Variants in CUL5 observed in about 807,000 individuals in gnomAD.
CUL5 encodes the protein cullin 5.
CUL5 carries 26 observed loss-of-function variants against 108.8 expected under a neutral mutation model. The observed-to-expected ratio is 0.24, with a 90% confidence interval of 0.18 to 0.33. The LOEUF (loss-of-function observed/expected upper bound fraction) is 0.33. CUL5 is among the 10% of genes least tolerant of loss of function. CUL5 has a pLI of 1.00. For missense variants in CUL5, 524 were observed against 909.2 expected (o/e 0.58, Z 5.45); for synonymous variants, 334 against 298.0 (o/e 1.12, Z -1.25).
intron 13 of CUL5, among the ~76,000 whole-genome samples, chr11:108,092,503 A>AT (rs956704631): frequency 1.6e-4 from 24 of 152,246 alleles, no homozygotes; most frequent in African/African-American, 1.9e-4. Flanking sequence ...ACAATGGAAT[A>AT]TTTTTTGTGA....
At chr11:108,016,238 T>C (rs558698194) in intron 1 of CUL5, among the ~76,000 whole-genome samples, 1 of 129,116 alleles carries the variant, frequency 7.7e-6, no homozygotes, top group African/African-American at 4.1e-5. Context: ...TTCTTTTCTC[T>C]TCTCTTCTCT....
At chr11:108,049,594 C>T (rs186766184) in intron 3 of CUL5, among the ~76,000 whole-genome samples, 3 of 152,138 alleles carry the variant, frequency 2.0e-5, no homozygotes, top group African/African-American at 7.2e-5. Flanking sequence ...CCTCCCGCCT[C>T]AGCCTCCCAA....
At chr11:108,097,998 T>C (rs1420932019) in intron 17 of CUL5, among the ~76,000 whole-genome samples, 2 of 152,224 alleles carry the variant, frequency 1.3e-5, no homozygotes, top group Non-Finnish European at 2.9e-5. Flanking sequence ...CAGGTTGATA[T>C]CTTTTTGTGC....
chr11:108,091,732 C>CACACAT (rs1555024090), intron 13 of CUL5, among the ~76,000 whole-genome samples: 155 of 149,926 alleles, frequency 1.0e-3, no homozygotes, highest in African/African-American at 3.6e-3. Context: ...CACACACACA[C>CACACAT]GACAAATAAT....
At chr11:108,091,695 TCACACACACACA>T (rs71303233) in intron 13 of CUL5, among the ~76,000 whole-genome samples, 696 of 138,186 alleles carry the variant, frequency 5.0e-3, no homozygotes, top group Admixed American at 0.015. Flanking sequence ...TCTCTCTCAC[TCACACACACACA>T]CACACACACA....
At chr11:108,026,988 CAAA>C (rs34941469) in intron 1 of CUL5, among the ~76,000 whole-genome samples, 2,710 of 97,150 alleles carry the variant, frequency 0.028, 33 homozygotes, top group Middle Eastern at 0.04. Flanking sequence ...GACTCCGTCT[CAAA>C]AAAAAAAAAA....
intron 3 of CUL5, among the ~76,000 whole-genome samples, chr11:108,046,942 C>G (rs1199754852): frequency 6.6e-6 from 1 of 152,094 alleles, no homozygotes; most frequent in East Asian, 1.9e-4. Context: ...TGTTTCAAAT[C>G]AGCCACGGCC....
At chr11:108,014,317 C>G (rs554004823) in intron 1 of CUL5, among the ~76,000 whole-genome samples, 5 of 152,200 alleles carry the variant, frequency 3.3e-5, no homozygotes, top group Admixed American at 3.3e-4. Context: ...GTTAGATATT[C>G]TATATGAATA....
intron 11 of CUL5, among the ~76,000 whole-genome samples, chr11:108,082,786 C>T (rs1267042828): frequency 6.7e-6 from 1 of 150,362 alleles, no homozygotes; most frequent in Non-Finnish European, 1.5e-5. Flanking sequence ...GGCCATACCA[C>T]CATGCCCGGC....
intron 11 of CUL5, among the ~76,000 whole-genome samples, chr11:108,087,584 A>G (rs770121409): frequency 2.6e-5 from 4 of 152,138 alleles, no homozygotes; most frequent in African/African-American, 4.8e-5. Context: ...AGATAGTGAG[A>G]CCTTGTCTGA....
Position 108,078,259 on chromosome 11 carries a change from T to C in CUL5, c.1178+19T>C, listed in dbSNP as rs201286435. ...AGAAGGGGTAAGTTTTTTAAAACCA[T>C]ACTTTAAAAATACTTAAATTTTCTT... On this transcript the variant is annotated intron_variant, in intron 11 of 18. Transcript: ENST00000393094. 124 of 1,428,852 alleles carry C rather than the reference T, an allele frequency of 8.7e-5. No homozygotes were observed. Among genetic ancestry groups the C allele is most frequent in the Admixed American group, 6.0e-4 (31 of 51,752 alleles). The allele number at this position is 1,428,852 out of a possible 1,614,324, so 88.5% of individuals were successfully genotyped here.
intron 1 of CUL5, among the ~76,000 whole-genome samples, chr11:108,016,579 G>A (rs1386399893): frequency 6.6e-6 from 1 of 152,136 alleles, no homozygotes; most frequent in East Asian, 1.9e-4. Context: ...ATTTTGCTTA[G>A]TGTCCTGGTG....
chr11:108,104,300 A>G lies in CUL5; in HGVS notation c.2259A>G (p.Ile753Met), dbSNP rs1864738262. The change falls in exon 19 of 19, where the codon ATA (isoleucine) becomes ATG (methionine). Residue 753 changes from isoleucine to methionine, a missense_variant. By Grantham distance (10) the Ile-to-Met change is conservative. Coordinates refer to ENST00000393094, the MANE Select transcript of CUL5 (RefSeq NM_003478.6). ...KNMFLPQKKM[I>M]KEQIEWLIEH... ...TGTTCTTGCCACAAAAGAAAATGAT[A>G]AAAGAGCAAATAGAGTGGCTAATAG... 1 of 1,611,176 alleles carries G rather than the reference A, an allele frequency of 6.2e-7. No individual in the cohort carries two copies. Among genetic ancestry groups the G allele is most frequent in the Non-Finnish European group, 8.5e-7 (1 of 1,179,004 alleles).
intron 11 of CUL5, among the ~76,000 whole-genome samples, chr11:108,086,663 T>G (rs1345424473): frequency 6.6e-6 from 1 of 152,194 alleles, no homozygotes; most frequent in Admixed American, 6.5e-5. Context: ...ACTTCCACAT[T>G]CACTCTTTTC....
chr11:108,029,594 CTTAG>C (rs1043149829), intron 1 of CUL5, among the ~76,000 whole-genome samples: 1 of 152,086 alleles, frequency 6.6e-6, no homozygotes, highest in African/African-American at 2.4e-5. Context: ...TGTCCTGCCA[CTTAG>C]TTATGATTTA....
Position 108,048,908 on chromosome 11 carries a change from G to T in CUL5, c.235-982G>T, listed in dbSNP as rs192121882. ...TCTCAAACTCATGACCTCGTGATCT[G>T]CCCGCCTTAGCCTCCCAAAGTGCTG... On this transcript the variant is annotated intron_variant, in intron 3 of 18. Coordinates refer to ENST00000393094, the MANE Select transcript of CUL5 (RefSeq NM_003478.6). Among the ~76,000 whole-genome samples, 561 of 151,740 alleles carry T rather than the reference G, an allele frequency of 3.7e-3. 2 individuals carry two copies. Among genetic ancestry groups the T allele is most frequent in the African/African-American group, 0.013 (533 of 41,318 alleles).
In CUL5 at chr11:108,046,443, T is replaced by C. The variant is rs77030102; in HGVS notation, c.234+74T>C. 2,317 of 825,992 alleles carry C rather than the reference T, an allele frequency of 2.8e-3. 54 individuals carry two copies. The African/African-American group carries it at 0.036, about 13-fold the overall frequency. The allele number at this position is 825,992 out of a possible 1,614,324, so 51.2% of individuals were successfully genotyped here. A position where few individuals can be genotyped will look rare whatever the true frequency, so the allele number is the denominator to read the frequency against. On this transcript the variant is annotated intron_variant, in intron 3 of 18. Transcript: ENST00000393094. ...ATATCATATTTTATTATTTTGAAAG[T>C]AGAACTTCTTGAAGTAATTTCAAAA...
At chr11:108,082,484 C>T (rs2135210073) in intron 11 of CUL5, among the ~76,000 whole-genome samples, 1 of 152,240 alleles carries the variant, frequency 6.6e-6, no homozygotes. Flanking sequence ...ACTGTGTTGA[C>T]CAGGCTGGTC....
At chr11:108,018,260 T>G (rs955438200) in intron 1 of CUL5, among the ~76,000 whole-genome samples, 1 of 152,234 alleles carries the variant, frequency 6.6e-6, no homozygotes, top group South Asian at 2.1e-4. Context: ...AAGGTTGCTG[T>G]GGCTGGAACA....
Sources: gnomAD v4.1 joint callset for allele counts (sites outside exome capture counted in the v4.1 genomes callset) on GRCh38, gnomAD v4.1.1 for gene constraint, MANE v1.5 for transcripts, NCBI Gene and HGNC (gene_info 2026-07-23, HGNC 2026-07-21) for gene names.